ATAD2B: variants seen among roughly 807,000 people sequenced by gnomAD.
ATAD2B encodes the protein ATPase family AAA domain-containing protein 2B.
ATAD2B carries 40 observed loss-of-function variants against 167.6 expected under a neutral mutation model. The observed-to-expected ratio is 0.24, with a 90% CI of 0.19 to 0.31. The LOEUF is 0.31. ATAD2B is among the 10% of genes least tolerant of loss of function. ATAD2B has a pLI of 1.00. For synonymous variants in ATAD2B, 579 were observed against 596.5 expected (o/e 0.97, Z 0.43); for missense variants, 1,242 against 1,757.2 (o/e 0.71, Z 5.24).
intron 1 of ATAD2B, among the ~76,000 whole-genome samples, chr2:23,920,806 T>G (rs1377040354): frequency 6.6e-6 from 1 of 152,028 alleles, no homozygotes; most frequent in Non-Finnish European, 1.5e-5. Context: ...AAATTCCCAA[T>G]TTTTTTTACT....
At chr2:23,799,529 C>T (rs911804008) in intron 18 of ATAD2B, among the ~76,000 whole-genome samples, 2 of 133,614 alleles carry the variant, frequency 1.5e-5, no homozygotes, top group African/African-American at 2.8e-5. Flanking sequence ...GCCGAGATCA[C>T]ACCACTATAC....
At position 23,810,184 on chromosome 2, in the gene ATAD2B, G is replaced by C. The variant is rs72851353; in HGVS notation, c.2454+132C>G. 3.0e-3 allele frequency: 2,316 copies of C among 774,208 alleles called. 32 individuals carry two copies. The African/African-American group carries it at 0.037, about 12-fold the overall frequency. 48.0% of individuals were successfully genotyped at this position (774,208 alleles called of 1,614,324 possible). A position where few individuals can be genotyped will look rare whatever the true frequency, so the allele number is the denominator to read the frequency against. The stretch of plus-strand genomic sequence containing the variant: ...TTTACACTAATACTAGAATGCTAAT[G>C]AATAATCAACAAAAAGTTAATATTC... On this transcript the variant is annotated intron_variant, in intron 18 of 27. Coordinates refer to ENST00000238789, the MANE Select transcript of ATAD2B (RefSeq NM_017552.4).
the ATAD2B span, chr2:23,703,097 A>G: frequency 8.9e-5 from 83 of 936,306 alleles, no homozygotes; most frequent in African/African-American, 1.3e-3. Context: ...GAGGGCGAGG[A>G]GCAGATGGCA....
At chr2:23,796,874 G>A (rs1468856182) in intron 19 of ATAD2B, among the ~76,000 whole-genome samples, 1 of 152,086 alleles carries the variant, frequency 6.6e-6, no homozygotes, top group Non-Finnish European at 1.5e-5. Flanking sequence ...ATACGTTCAA[G>A]TATTTATCTA....
At chr2:23,811,144 G>C (rs1685526323) in intron 17 of ATAD2B, 1 of 152,166 alleles carries the variant, frequency 6.6e-6, no homozygotes, top group Non-Finnish European at 1.5e-5. Flanking sequence ...TTAAACTCCA[G>C]TATCATTTAG....
intron 18 of ATAD2B, among the ~76,000 whole-genome samples, chr2:23,805,803 A>AAAAAC (rs1374060965): frequency 7.7e-6 from 1 of 129,728 alleles, no homozygotes; most frequent in Non-Finnish European, 1.7e-5. Context: ...TTTAAAAAAA[A>AAAAAC]AAAAACAAAT....
chr2:23,684,627 A>C, the ATAD2B span: 1 of 1,182,464 alleles, frequency 8.5e-7, no homozygotes. This position sits in a 1 kb window ranked among gnomAD's most constrained non-coding sequence, Gnocchi z 4.4. Context: ...CAGGTTCCTG[A>C]AGCGTGACTC....
chr2:23,890,479 T>C (rs1047657469), intron 2 of ATAD2B, among the ~76,000 whole-genome samples: 1 of 152,200 alleles, frequency 6.6e-6, no homozygotes, highest in Non-Finnish European at 1.5e-5. Context: ...CAGGTATTCT[T>C]ACAACGTTGT....
chr2:23,683,148 G>T, the ATAD2B span, among the ~76,000 whole-genome samples: 10 of 152,250 alleles, frequency 6.6e-5, no homozygotes, highest in Non-Finnish European at 1.5e-4. Flanking sequence ...GGCCAGGAAG[G>T]AGTCCTGGCG....
intron 1 of ATAD2B, among the ~76,000 whole-genome samples, chr2:23,916,983 C>T (rs1350267682): frequency 6.6e-6 from 1 of 152,176 alleles, no homozygotes; most frequent in Non-Finnish European, 1.5e-5. Context: ...CTGCTTTCAC[C>T]CCAAACACAA....
the ATAD2B span, among the ~76,000 whole-genome samples, chr2:23,685,766 G>A: frequency 6.6e-6 from 1 of 152,204 alleles, no homozygotes; most frequent in Non-Finnish European, 1.5e-5. Flanking sequence ...GGGGTGAAGG[G>A]ACATGTCTAG....
chr2:23,894,902 T>TTA (rs1275033903), intron 2 of ATAD2B, among the ~76,000 whole-genome samples: 1 of 152,194 alleles, frequency 6.6e-6, no homozygotes, highest in Non-Finnish European at 1.5e-5. Context: ...GGAGCATATT[T>TTA]TAGTAAGTAC....
At chr2:23,801,477 G>A (rs1212802057) in intron 18 of ATAD2B, among the ~76,000 whole-genome samples, 6 of 151,632 alleles carry the variant, frequency 4.0e-5, no homozygotes, top group Non-Finnish European at 8.8e-5. Context: ...GATGTGCAAG[G>A]TGTAGTAGAA....
intron 22 of ATAD2B, among the ~76,000 whole-genome samples, chr2:23,768,760 T>A (rs928013269): frequency 6.6e-6 from 1 of 152,224 alleles, no homozygotes; most frequent in African/African-American, 2.4e-5. Context: ...AGAATATTTT[T>A]AATCAGGATT....
chr2:23,877,039 C>T (rs1331421887), intron 7 of ATAD2B, among the ~76,000 whole-genome samples: 3 of 147,756 alleles, frequency 2.0e-5, no homozygotes, highest in Non-Finnish European at 4.5e-5. Context: ...TGAACTCCAG[C>T]CTGGGCAAGA....
At chr2:23,868,572 C>T (rs1456486701) in intron 9 of ATAD2B, among the ~76,000 whole-genome samples, 3 of 152,142 alleles carry the variant, frequency 2.0e-5, no homozygotes, top group African/African-American at 7.2e-5. Flanking sequence ...ATCAGCCCAA[C>T]CTTTATTATA....
At chr2:23,769,819 G>A (rs530932758) in intron 22 of ATAD2B, among the ~76,000 whole-genome samples, 70 of 150,430 alleles carry the variant, frequency 4.7e-4, no homozygotes, top group African/African-American at 1.7e-3. Flanking sequence ...GAGTAGCTGG[G>A]ATTACAGGTG....
chr2:23,888,036 G>GAA, intron 3 of ATAD2B, 51 bp from the exon 4 acceptor site: 1 of 1,275,602 alleles, frequency 7.8e-7, no homozygotes, highest in South Asian at 2.3e-5. Context: ...CAGAAAGACA[G>GAA]AAAAGAAAAA....
At position 23,758,071 on chromosome 2, in the gene ATAD2B, G is replaced by T; in HGVS notation, c.3425C>A (p.Ser1142Ter). ...FRVRRKSRRR[S>*]QWGKGIIKKR... ...CTTAATAATTCCTTTACCCCACTGT[G>T]ATCTCCGCCTTGATTTTCTCCGAAC... is the stretch of plus-strand genomic sequence containing the variant. Residue 1142 changes from serine to a stop codon, truncating the protein, a stop_gained, in exon 25 of 28, where the codon TCA (serine) becomes TAA (stop). Coordinates refer to ENST00000238789, the MANE Select transcript of ATAD2B (RefSeq NM_017552.4). LOFTEE classifies it high-confidence loss of function. 1 of 1,586,774 alleles carries T rather than the reference G, an allele frequency of 6.3e-7. No homozygotes were observed. The highest frequency in any genetic ancestry group is 8.5e-7 in the Non-Finnish European group (1 of 1,173,406).
Sources: gnomAD v4.1 joint callset for allele counts (sites outside exome capture counted in the v4.1 genomes callset) on GRCh38, gnomAD v4.1.1 for gene constraint, Gnocchi (gnomAD v3.1) non-coding constraint, MANE v1.5 for transcripts, NCBI Gene and HGNC (gene_info 2026-07-23, HGNC 2026-07-21) for gene names.